CORO2B: variants seen among roughly 807,000 people sequenced by gnomAD.
The protein encoded by CORO2B is coronin 2B, also known as coronin-2B.
CORO2B carries 26 observed loss-of-function variants against 58.8 expected under a neutral mutation model. That is an observed-to-expected ratio of 0.44 (90% CI 0.32 to 0.61). CORO2B has a LOEUF of 0.61. Among genes scored for constraint, CORO2B ranks in the 20% least tolerant of loss-of-function variants. CORO2B has a pLI of 0.04. For synonymous variants in CORO2B, 242 were observed against 253.8 expected, an observed-to-expected ratio of 0.95 and a Z score of 0.44; for missense variants, 460 against 645.1, an observed-to-expected ratio of 0.71 and a Z score of 3.11.
the CORO2B span, among the ~76,000 whole-genome samples, chr15:68,547,638 G>C: frequency 6.6e-6 from 1 of 151,864 alleles, no homozygotes; most frequent in African/African-American, 2.4e-5. Context: ...CACCGCACCC[G>C]GCCTATACAG....
chr15:68,605,399 G>C lies in CORO2B; in HGVS notation c.15+26122G>C, dbSNP rs149600731. Among the ~76,000 whole-genome samples the C allele has an allele frequency of 9.2e-5, 14 of 152,212 alleles. No individual in the cohort carries two copies. In the East Asian group the frequency reaches 2.5e-3, roughly 27 times the overall value. On this transcript the variant is annotated intron_variant, in intron 1 of 11. Transcript: ENST00000261861. ...CTCTATGCATCAAGATGCTCATCAC[G>C]GCATTATTTATAACAATGAAACATT...
At chr15:68,518,995 C>A in the CORO2B span, among the ~76,000 whole-genome samples, 39 of 152,300 alleles carry the variant, frequency 2.6e-4, no homozygotes, top group African/African-American at 8.7e-4. Flanking sequence ...CAGGCCCGAA[C>A]CTGTACATAC....
At chr15:68,600,619 A>G (rs1251530306) in intron 1 of CORO2B, among the ~76,000 whole-genome samples, 1 of 152,168 alleles carries the variant, frequency 6.6e-6, no homozygotes. Flanking sequence ...GGGCCTTCAG[A>G]TACCCTTGTG....
In CORO2B at chr15:68,609,845, A is replaced by C. The variant is rs557799096; in HGVS notation, c.15+30568A>C. Among the ~76,000 whole-genome samples the C allele has an allele frequency of 1.1e-4, 16 of 152,220 alleles. No homozygotes were observed. In the South Asian group the frequency reaches 3.3e-3, roughly 32 times the overall value. ...GAGCCGCGTCACTGACTGTGATGGC[A>C]GGCAGGGTGGGCTGGGGTAGGGGAG... On this transcript the variant is annotated intron_variant, in intron 1 of 11. Transcript: ENST00000261861.
At chr15:68,641,042 C>T (rs924856114) in intron 1 of CORO2B, among the ~76,000 whole-genome samples, 1 of 152,158 alleles carries the variant, frequency 6.6e-6, no homozygotes, top group Non-Finnish European at 1.5e-5. Context: ...AGCCCCTGAC[C>T]TCCCTTCCCC....
At chr15:68,599,696 G>A (rs761348953) in intron 1 of CORO2B, among the ~76,000 whole-genome samples, 5 of 152,174 alleles carry the variant, frequency 3.3e-5, no homozygotes, top group Non-Finnish European at 7.3e-5. Flanking sequence ...TTCCACCCAA[G>A]AGAGGCAGTG....
chr15:68,703,153 T>TC (rs202038100), intron 3 of CORO2B, among the ~76,000 whole-genome samples: 7 of 9,638 alleles, frequency 7.3e-4, no homozygotes, highest in Non-Finnish European at 7.5e-3. Context: ...TTTTTTTCTT[T>TC]TTTTTTTTTT....
chr15:68,608,978 C>T (rs927541693), intron 1 of CORO2B, among the ~76,000 whole-genome samples: 1 of 152,212 alleles, frequency 6.6e-6, no homozygotes, highest in African/African-American at 2.4e-5. Flanking sequence ...AACACTCAAA[C>T]TCAGACCCTA....
chr15:68,566,837 C>A, the CORO2B span, among the ~76,000 whole-genome samples: 4 of 152,174 alleles, frequency 2.6e-5, no homozygotes, highest in South Asian at 8.3e-4. Context: ...TTTAGTAGCT[C>A]CCAAAGCTAC....
At chr15:68,596,035 G>A (rs1237745231) in intron 1 of CORO2B, among the ~76,000 whole-genome samples, 6 of 152,080 alleles carry the variant, frequency 3.9e-5, no homozygotes, top group Admixed American at 2.6e-4. Flanking sequence ...GGGCTGGGAA[G>A]GTGATGAGGG....
At chr15:68,721,776 C>A (rs1893168007) in intron 11 of CORO2B, among the ~76,000 whole-genome samples, 2 of 150,318 alleles carry the variant, frequency 1.3e-5, no homozygotes, top group Non-Finnish European at 3.0e-5. Flanking sequence ...GAGACAGAGT[C>A]CTGCCCTGTC....
chr15:68,667,677 C>A (rs1412290532), intron 2 of CORO2B, among the ~76,000 whole-genome samples: 1 of 152,216 alleles, frequency 6.6e-6, no homozygotes, highest in Non-Finnish European at 1.5e-5. Context: ...TTCACTACCT[C>A]CCCCTTCTCA....
At chr15:68,601,290 A>G (rs1177392628) in intron 1 of CORO2B, among the ~76,000 whole-genome samples, 1 of 152,178 alleles carries the variant, frequency 6.6e-6, no homozygotes, top group Non-Finnish European at 1.5e-5. Context: ...GCTGGGCTCC[A>G]GGGCGGCAGG....
At chr15:68,531,954 A>AT in the CORO2B span, among the ~76,000 whole-genome samples, 362 of 151,742 alleles carry the variant, frequency 2.4e-3, no homozygotes, top group Non-Finnish European at 3.7e-3. Flanking sequence ...GGTTGACAGG[A>AT]TTTTTTTTCT....
chr15:68,524,670 CGGTAATTA>C, the CORO2B span, among the ~76,000 whole-genome samples: 13 of 152,190 alleles, frequency 8.5e-5, no homozygotes, highest in Non-Finnish European at 1.5e-4. Context: ...CTTCTAAGGC[CGGTAATTA>C]GGTAGAGGAG....
chr15:68,563,267 C>T, the CORO2B span, among the ~76,000 whole-genome samples: 99 of 152,020 alleles, frequency 6.5e-4, 1 homozygote, highest in African/African-American at 2.2e-3. Context: ...ACAGGAGGAT[C>T]CCTTGAGCCC....
intron 1 of CORO2B, among the ~76,000 whole-genome samples, chr15:68,609,161 G>A (rs910826976): frequency 2.6e-5 from 4 of 152,178 alleles, no homozygotes; most frequent in African/African-American, 7.2e-5. Flanking sequence ...AGGCAGATAC[G>A]CAGGGAGAGG....
At chr15:68,632,841 C>T (rs995606486) in intron 1 of CORO2B, among the ~76,000 whole-genome samples, 4 of 152,246 alleles carry the variant, frequency 2.6e-5, no homozygotes, top group Admixed American at 1.3e-4. Flanking sequence ...ATCTGCCCGC[C>T]TTGGTCCCCC....
intron 2 of CORO2B, among the ~76,000 whole-genome samples, chr15:68,655,757 G>A (rs901487472): frequency 6.6e-6 from 1 of 152,188 alleles, no homozygotes; most frequent in African/African-American, 2.4e-5. Context: ...CAGTCTGCAG[G>A]AGATCTGTCC....
Sources: gnomAD v4.1 joint callset for allele counts (sites outside exome capture counted in the v4.1 genomes callset) on GRCh38, gnomAD v4.1.1 for gene constraint, MANE v1.5 for transcripts, NCBI Gene and HGNC (gene_info 2026-07-23, HGNC 2026-07-21) for gene names.